ASAH1: variants seen among roughly 807,000 people sequenced by gnomAD.
The protein encoded by ASAH1 is N-acylsphingosine amidohydrolase 1, also known as acid ceramidase.
Under a neutral mutation model 59.5 loss-of-function variants are expected in ASAH1, and 70 were observed. That is an observed-to-expected ratio of 1.18 (90% CI 0.97 to 1.43). The LOEUF is 1.43. Among genes scored for constraint, ASAH1 ranks in the 40% most tolerant of loss-of-function variants. ASAH1 has a pLI of 0.00. For missense variants in ASAH1, 660 were observed against 482.5 expected (o/e 1.37, Z -3.45); for synonymous variants, 213 against 166.5 (o/e 1.28, Z -2.15).
At chr8:18,070,155 A>ATTT (rs34633455) in intron 3 of ASAH1, among the ~76,000 whole-genome samples, 1 of 147,388 alleles carries the variant, frequency 6.8e-6, no homozygotes, top group Admixed American at 6.8e-5. Context: ...TAATTTTTGT[A>ATTT]TTTTTTTTTT....
rs1028371808 is a variant in ASAH1 at position 18,056,534 on chromosome 8, T to C, written c.*1000A>G. On this transcript the variant is annotated 3_prime_UTR_variant, in exon 14 of 14. Coordinates refer to ENST00000637790, the MANE Select transcript of ASAH1 (RefSeq NM_177924.5). The stretch of plus-strand genomic sequence containing the variant: ...AAGTGGACAAACGGTCTTGCACAAA[T>C]GACGTACATTTCACAGTTAATCGTG... The C allele has an allele frequency of 6.6e-5, 10 of 152,180 alleles. No individual in the cohort carries two copies. The highest frequency in any genetic ancestry group is 2.4e-4 in the African/African-American group (10 of 41,434). The allele number at this position is 152,180 out of a possible 1,614,324, so 9.4% of individuals were successfully genotyped here.
chr8:18,065,802 A>G (rs1405662840), intron 5 of ASAH1: 1 of 152,142 alleles, frequency 6.6e-6, no homozygotes, highest in Admixed American at 6.5e-5. Flanking sequence ...GAAGACAAAA[A>G]GACAAATATG....
intron 5 of ASAH1, chr8:18,066,790 T>C (rs1377869596): frequency 1.1e-5 from 2 of 190,032 alleles, no homozygotes; most frequent in African/African-American, 2.3e-5. Flanking sequence ...AATTCCTTTA[T>C]TGTTAATATC....
intron 6 of ASAH1, 32 bp from the exon 7 acceptor site, chr8:18,063,262 T>G: frequency 6.4e-7 from 1 of 1,563,844 alleles, no homozygotes; most frequent in Non-Finnish European, 8.8e-7. Flanking sequence ...AGACGTGTAA[T>G]AGCAGTTAAG....
chr8:18,059,049 G>A lies in ASAH1; in HGVS notation c.1042-158C>T, dbSNP rs1799581112. On this transcript the variant is annotated intron_variant, in intron 12 of 13. Coordinates refer to ENST00000637790, the MANE Select transcript of ASAH1 (RefSeq NM_177924.5). ...GTGGGAGTCACTGTTAGAAACACAGGTAACAGTTTTAATGGATTACTTTCC... is the reference window on the plus strand; with the variant it reads ...GTGGGAGTCACTGTTAGAAACACAGATAACAGTTTTAATGGATTACTTTCC... The A allele has an allele frequency of 5.6e-6, 4 of 711,976 alleles. 1 individual carries two copies. The Admixed American group carries it at 8.0e-5, about 14-fold the overall frequency. 44.1% of individuals were successfully genotyped at this position (711,976 alleles called of 1,614,324 possible).
intron 5 of ASAH1, 89 bp downstream of exon 5, chr8:18,067,131 C>G: frequency 7.0e-6 from 4 of 568,138 alleles, no homozygotes; most frequent in Non-Finnish European, 9.6e-6. Context: ...AGACATACAG[C>G]ACCTGTGCTG....
Position 18,057,431 on chromosome 8 carries a change from C to T in ASAH1, c.*103G>A, listed in dbSNP as rs181616268. The stretch of plus-strand genomic sequence containing the variant: ...AGCTATTGACTCAAAGAGAACCTGC[C>T]GCGAGTCTTAGTCTTTGGAAGGTCA... On this transcript the variant is annotated 3_prime_UTR_variant, in exon 14 of 14. Transcript: ENST00000637790. 749 of 844,522 alleles carry T rather than the reference C, an allele frequency of 8.9e-4. No individual in the cohort carries two copies. Among genetic ancestry groups the T allele is most frequent in the Non-Finnish European group, 1.2e-3 (605 of 519,278 alleles). The allele number at this position is 844,522 out of a possible 1,614,324, so 52.3% of individuals were successfully genotyped here. A position where few individuals can be genotyped will look rare whatever the true frequency, so the allele number is the denominator to read the frequency against.
intron 13 of ASAH1, chr8:18,058,111 C>A (rs413531): frequency 0.21 from 31,675 of 153,426 alleles, 5,782 homozygotes; most frequent in African/African-American, 0.47. Context: ...TCACAAGGCA[C>A]ACACCCAAAC....
intron 4 of ASAH1, 89 bp downstream of exon 4, chr8:18,069,703 G>T: frequency 2.1e-6 from 2 of 939,034 alleles, no homozygotes; most frequent in East Asian, 2.5e-5. Context: ...CCAAGTCCCT[G>T]CGAAGAGGTT....
intron 1 of ASAH1, among the ~76,000 whole-genome samples, chr8:18,079,293 A>C (rs1255783296): frequency 2.0e-5 from 3 of 151,542 alleles, no homozygotes; most frequent in African/African-American, 7.3e-5. Context: ...AAAAAACAAA[A>C]AACTCTCTGG....
At chr8:18,062,242 G>A (rs763715494) in intron 8 of ASAH1, 37 bp downstream of exon 8, 3 of 1,613,216 alleles carry the variant, frequency 1.9e-6, no homozygotes, top group African/African-American at 1.3e-5. Flanking sequence ...CAGGACAGAA[G>A]GCTACCTGTA....
At position 18,057,462 on chromosome 8, in the gene ASAH1, C is replaced by T. The variant is rs888031541; in HGVS notation, c.*72G>A. ...TCTTAGTCTTTGGAAGGTCAGACAG[C>T]TGCAGTGTTCGGTCACATGGAGATG... On this transcript the variant is annotated 3_prime_UTR_variant, in exon 14 of 14. Coordinates refer to ENST00000637790, the MANE Select transcript of ASAH1 (RefSeq NM_177924.5). 7 of 1,222,150 alleles carry T rather than the reference C, an allele frequency of 5.7e-6. No homozygotes were observed. In the African/African-American group the frequency reaches 9.1e-5, roughly 16 times the overall value. 75.7% of individuals were successfully genotyped at this position (1,222,150 alleles called of 1,614,324 possible). A position where few individuals can be genotyped will look rare whatever the true frequency, so the allele number is the denominator to read the frequency against.
upstream of ASAH1, chr8:18,084,826 T>G: frequency 6.2e-7 from 1 of 1,611,676 alleles, no homozygotes; most frequent in East Asian, 2.2e-5. Context: ...TCCTCCTAAC[T>G]GGCGAAGGAC....
At chr8:18,084,604 G>C, upstream of ASAH1, 1 of 1,601,110 alleles carries the variant, frequency 6.2e-7, no homozygotes, top group Non-Finnish European at 8.5e-7. Context: ...TCAGGGACAA[G>C]GAGCAGTTGA....
chr8:18,059,350 G>A lies in ASAH1; in HGVS notation c.1032C>T (p.Thr344=), dbSNP rs1334796247. 2 of 1,614,084 alleles carry A rather than the reference G, an allele frequency of 1.2e-6. No homozygotes were observed. Among genetic ancestry groups the A allele is most frequent in the East Asian group, 4.5e-5 (2 of 44,898 alleles). ...GACCCTGCAAAGGTACCTCTTGGCT[G>A]GTGCGGTTCAGACACATCTTTGCAG... The part of the protein sequence containing the change: ...RTPAKMCLNR[T]SQENISFETM... Residue 344 remains threonine, a synonymous_variant, in exon 12 of 14, where the codon ACC becomes ACT. Transcript: ENST00000637790.
chr8:18,073,122 A>G, intron 2 of ASAH1: 1 of 917,842 alleles, frequency 1.1e-6, no homozygotes, highest in South Asian at 1.6e-5. Context: ...GGTTAATCTA[A>G]TAAACCAAAT....
chr8:18,083,791 C>A, intron 1 of ASAH1, 190 bp downstream of exon 1: 2 of 1,186,434 alleles, frequency 1.7e-6, no homozygotes, highest in Admixed American at 2.6e-5. Context: ...CAGGTAGCAC[C>A]GAATCTACCG....
In ASAH1 at chr8:18,059,005, T is replaced by C. The variant is rs1284136188; in HGVS notation, c.1042-114A>G. The C allele has an allele frequency of 3.2e-6, 3 of 942,680 alleles. No individual in the cohort carries two copies. In the South Asian group the frequency reaches 4.2e-5, roughly 13 times the overall value. The allele number at this position is 942,680 out of a possible 1,614,324, so 58.4% of individuals were successfully genotyped here. A position where few individuals can be genotyped will look rare whatever the true frequency, so the allele number is the denominator to read the frequency against. On this transcript the variant is annotated intron_variant, in intron 12 of 13. Transcript: ENST00000637790. ...CATTCTTTAATCAACCTCCCCTCCA[T>C]CCCCGCAGTGGAGTTTCTGTGGGAG... is the stretch of plus-strand genomic sequence containing the variant.
In ASAH1 at chr8:18,063,098, G is replaced by A; in HGVS notation, c.503+87C>T. Reference sequence around the variant, plus strand: ...TTGGCCAGGCTGGTCTTGAACTCCTGACCTCGTGATCCACCCGTGTCAGCC... The same window carrying A: ...TTGGCCAGGCTGGTCTTGAACTCCTAACCTCGTGATCCACCCGTGTCAGCC... On this transcript the variant is annotated intron_variant, in intron 7 of 13. Transcript: ENST00000637790. The A allele has an allele frequency of 3.1e-6, 4 of 1,282,150 alleles. No homozygotes were observed. In the African/African-American group the frequency reaches 4.4e-5, roughly 14 times the overall value. The allele number at this position is 1,282,150 out of a possible 1,614,324, so 79.4% of individuals were successfully genotyped here. A position where few individuals can be genotyped will look rare whatever the true frequency, so the allele number is the denominator to read the frequency against.
Sources: allele counts gnomAD v4.1 joint callset (sites outside exome capture counted in the v4.1 genomes callset), GRCh38; gene constraint gnomAD v4.1.1; transcripts MANE v1.5; gene names NCBI Gene and HGNC (gene_info 2026-07-23, HGNC 2026-07-21).